RANBP9: variants seen among roughly 807,000 people sequenced by gnomAD.
The protein encoded by RANBP9 is RAN binding protein 9.
A neutral mutation model predicts 84.3 loss-of-function variants in RANBP9; 15 were observed. The observed-to-expected ratio is 0.18, with a 90% CI of 0.12 to 0.27. The LOEUF is 0.27. RANBP9 is among the 10% of genes least tolerant of loss of function. RANBP9 has a pLI of 1.00. For missense variants in RANBP9, 809 were observed against 912.8 expected (o/e 0.89, Z 1.46); for synonymous variants, 392 against 349.6 (o/e 1.12, Z -1.35).
Position 13,711,046 on chromosome 6 carries a change from G to C in RANBP9, c.460C>G (p.Leu154Val), listed in dbSNP as rs2113378883. 6.3e-7 allele frequency: 1 copy of C among 1,590,444 alleles called. No homozygotes were observed. Among genetic ancestry groups the C allele is most frequent in the Non-Finnish European group, 8.6e-7 (1 of 1,169,418 alleles). Residue 154 changes from leucine to valine, a missense_variant, in exon 1 of 14, where the codon CTC becomes GTC. Transcript: ENST00000011619. ...EKELQRRLKRLYPAVDEQETP... is the reference protein window; with the variant it reads ...EKELQRRLKRVYPAVDEQETP... ...TCTTGTTCGTCCACGGCCGGGTAGAGACGCTTCAGCCGCCGCTGCAACTCC... is the reference window on the plus strand; with the variant it reads ...TCTTGTTCGTCCACGGCCGGGTAGACACGCTTCAGCCGCCGCTGCAACTCC...
chr6:13,706,857 C>A (rs1042587748), intron 1 of RANBP9, among the ~76,000 whole-genome samples: 13 of 151,634 alleles, frequency 8.6e-5, no homozygotes, highest in African/African-American at 3.2e-4. Flanking sequence ...CAAGAATTAG[C>A]CGGACGTGGT....
chr6:13,629,133 C>T (rs958407436), intron 12 of RANBP9, among the ~76,000 whole-genome samples: 1 of 152,126 alleles, frequency 6.6e-6, no homozygotes, highest in Admixed American at 6.5e-5. Context: ...TTTTTTGAGA[C>T]AGGGTCTTGC....
chr6:13,704,046 T>C (rs1040687259), intron 1 of RANBP9, among the ~76,000 whole-genome samples: 3 of 152,236 alleles, frequency 2.0e-5, no homozygotes, highest in Non-Finnish European at 2.9e-5. Flanking sequence ...TCTCTCACTA[T>C]CATTCCTCAT....
intron 11 of RANBP9, among the ~76,000 whole-genome samples, chr6:13,633,324 A>C (rs149690275): frequency 6.6e-6 from 1 of 152,222 alleles, no homozygotes; most frequent in African/African-American, 2.4e-5. Flanking sequence ...GTGAGCCACC[A>C]TGCCCAGCTA....
At chr6:13,648,728 T>C (rs1217902736) in intron 5 of RANBP9, among the ~76,000 whole-genome samples, 3 of 152,190 alleles carry the variant, frequency 2.0e-5, no homozygotes, top group Non-Finnish European at 4.4e-5. Flanking sequence ...AAAATGACTA[T>C]ACAAATAATG....
intron 2 of RANBP9, among the ~76,000 whole-genome samples, chr6:13,664,215 A>G (rs1765595776): frequency 6.6e-6 from 1 of 152,154 alleles, no homozygotes; most frequent in Non-Finnish European, 1.5e-5. Context: ...ATTTGGCAGC[A>G]AATACTAGAA....
At chr6:13,669,577 G>C (rs562550138) in intron 2 of RANBP9, among the ~76,000 whole-genome samples, 1 of 152,226 alleles carries the variant, frequency 6.6e-6, no homozygotes, top group African/African-American at 2.4e-5. Flanking sequence ...TTGTATTCAC[G>C]ATCAATTAAT....
chr6:13,709,731 T>C (rs1483844444), intron 1 of RANBP9, among the ~76,000 whole-genome samples: 1 of 152,240 alleles, frequency 6.6e-6, no homozygotes, highest in Non-Finnish European at 1.5e-5. Flanking sequence ...AGCCAAATCA[T>C]TTGGTAGATT....
intron 2 of RANBP9, among the ~76,000 whole-genome samples, chr6:13,668,033 T>C (rs1316557189): frequency 3.3e-5 from 5 of 151,766 alleles, no homozygotes; most frequent in Non-Finnish European, 5.9e-5. Context: ...AGAAAAACAA[T>C]AGAATCAACA....
In RANBP9 at chr6:13,629,621, T is replaced by TG. The variant is rs545518590; in HGVS notation, c.1947+2748dup. Among the ~76,000 whole-genome samples the TG allele has an allele frequency of 4.0e-3, 609 of 152,280 alleles. 2 individuals carry two copies. Among genetic ancestry groups the TG allele is most frequent in the Admixed American group, 7.8e-3 (119 of 15,300 alleles). On this transcript the variant is annotated intron_variant, in intron 12 of 13. Coordinates refer to ENST00000011619, the MANE Select transcript of RANBP9 (RefSeq NM_005493.3). ...GCTACTTCAGTTACTAAAGGGTCCT[T>TG]GCAGGCTGGGGCTGTTCATTCATAC...
intron 12 of RANBP9, among the ~76,000 whole-genome samples, chr6:13,626,672 G>A (rs1028005564): frequency 1.3e-5 from 2 of 152,112 alleles, no homozygotes; most frequent in Non-Finnish European, 2.9e-5. Flanking sequence ...AATTTGGAAG[G>A]CAGACATGGA....
At chr6:13,651,931 T>C (rs186772511) in intron 5 of RANBP9, among the ~76,000 whole-genome samples, 1 of 152,186 alleles carries the variant, frequency 6.6e-6, no homozygotes, top group East Asian at 1.9e-4. Flanking sequence ...TCTACCACAC[T>C]TCACACTCTT....
intron 6 of RANBP9, 143 bp downstream of exon 6, chr6:13,644,402 G>C (rs547992460): frequency 1.3e-6 from 1 of 757,092 alleles, no homozygotes; most frequent in Non-Finnish European, 2.0e-6. Context: ...ATTACTTTTC[G>C]TTGAGAGATT....
chr6:13,655,551 T>TA (rs1409539567), intron 4 of RANBP9, among the ~76,000 whole-genome samples: 1 of 152,200 alleles, frequency 6.6e-6, no homozygotes, highest in East Asian at 1.9e-4. Context: ...AGACACATCT[T>TA]ACATTTTAAA....
At chr6:13,642,961 A>G (rs1469322177) in intron 6 of RANBP9, among the ~76,000 whole-genome samples, 3 of 152,174 alleles carry the variant, frequency 2.0e-5, no homozygotes, top group Non-Finnish European at 4.4e-5. Flanking sequence ...TTATCATATG[A>G]CTTATTCCAG....
intron 2 of RANBP9, among the ~76,000 whole-genome samples, chr6:13,693,472 C>A (rs547813741): frequency 1.3e-5 from 2 of 152,310 alleles, no homozygotes; most frequent in South Asian, 2.1e-4. Context: ...GTGGGCCAGG[C>A]ACAGTGGCTC....
At chr6:13,686,615 G>A (rs889696863) in intron 2 of RANBP9, among the ~76,000 whole-genome samples, 4 of 152,000 alleles carry the variant, frequency 2.6e-5, no homozygotes, top group Non-Finnish European at 5.9e-5. Flanking sequence ...TGTTGCCCAA[G>A]CTGGTCTCGA....
intron 2 of RANBP9, among the ~76,000 whole-genome samples, chr6:13,694,283 G>C (rs1322108164): frequency 1.3e-5 from 2 of 152,208 alleles, no homozygotes; most frequent in African/African-American, 4.8e-5. Flanking sequence ...TGGGGAGTGG[G>C]TAAGCAAACT....
At position 13,695,171 on chromosome 6, in the gene RANBP9, A is replaced by G. The variant is rs547448358; in HGVS notation, c.683+1614T>C. ...TCCTTGAAGCAACAGATATCTCAAA[A>G]AACGGGTAGAGGCAACTCAGTTTTT... On this transcript the variant is annotated intron_variant, in intron 2 of 13. Coordinates refer to ENST00000011619, the MANE Select transcript of RANBP9 (RefSeq NM_005493.3). Among the ~76,000 whole-genome samples the G allele has an allele frequency of 3.9e-5, 6 of 152,286 alleles. 1 individual carries two copies. The highest frequency in any genetic ancestry group is 1.4e-4 in the African/African-American group (6 of 41,564).
Sources: allele counts gnomAD v4.1 joint callset (sites outside exome capture counted in the v4.1 genomes callset), GRCh38; gene constraint gnomAD v4.1.1; transcripts MANE v1.5; gene names NCBI Gene and HGNC (gene_info 2026-07-23, HGNC 2026-07-21).